CADM2: variants seen among roughly 807,000 people sequenced by gnomAD.
The protein encoded by CADM2 is cell adhesion molecule 2, also known as immunoglobulin superfamily member 4D.
CADM2 carries 12 observed loss-of-function variants against 49.8 expected under a neutral mutation model. The observed-to-expected ratio is 0.24, with a 90% CI of 0.15 to 0.39. The LOEUF (loss-of-function observed/expected upper bound fraction) is 0.39. Ranked by LOEUF, CADM2 falls within the 10% of genes least tolerant of loss-of-function variation. The pLI is 1.00. For missense variants in CADM2, 378 were observed against 492.3 expected (o/e 0.77, Z 2.20); for synonymous variants, 214 against 175.4 (o/e 1.22, Z -1.74).
At chr3:85,886,133 T>C in intron 4 of CADM2, 57 bp from the exon 5 acceptor site, 1 of 1,598,524 alleles carries the variant, frequency 6.3e-7, no homozygotes, top group South Asian at 1.1e-5. Flanking sequence ...GTAATAGACA[T>C]AATAACAAAT....
intron 1 of CADM2, among the ~76,000 whole-genome samples, chr3:85,336,097 A>G (rs981694622): frequency 4.0e-5 from 6 of 151,526 alleles, no homozygotes; most frequent in Admixed American, 4.0e-4. Flanking sequence ...ACATTATTTT[A>G]TAAGCTCTTA....
intron 3 of CADM2, among the ~76,000 whole-genome samples, chr3:85,862,108 T>G (rs1372897443): frequency 2.6e-5 from 4 of 152,084 alleles, no homozygotes; most frequent in East Asian, 3.9e-4. Context: ...ATAAATCACT[T>G]TGATCATAAT....
intron 1 of CADM2, among the ~76,000 whole-genome samples, chr3:85,648,515 G>T (rs562545282): frequency 1.4e-4 from 21 of 151,976 alleles, no homozygotes; most frequent in Non-Finnish European, 2.5e-4. Flanking sequence ...TGAAATAATG[G>T]TTTAAAACTA....
At chr3:85,042,636 A>G (rs1270147214) in intron 1 of CADM2, among the ~76,000 whole-genome samples, 3 of 152,230 alleles carry the variant, frequency 2.0e-5, no homozygotes, top group African/African-American at 7.2e-5. Flanking sequence ...TAAAATAAAT[A>G]GCATTGAAAG....
At chr3:85,345,816 A>G (rs761344532) in intron 1 of CADM2, among the ~76,000 whole-genome samples, 11 of 152,168 alleles carry the variant, frequency 7.2e-5, no homozygotes, top group Non-Finnish European at 1.5e-4. Context: ...TGATGGTCGT[A>G]ATTTGGTCAT....
At chr3:85,320,919 T>G (rs1018984875) in intron 1 of CADM2, among the ~76,000 whole-genome samples, 1 of 139,346 alleles carries the variant, frequency 7.2e-6, no homozygotes, top group Non-Finnish European at 1.6e-5. Flanking sequence ...AGTGGTGATT[T>G]ATTTCTGTTA....
intron 1 of CADM2, among the ~76,000 whole-genome samples, chr3:85,288,699 G>C (rs1559760659): frequency 6.6e-6 from 1 of 150,836 alleles, no homozygotes; most frequent in Non-Finnish European, 1.5e-5. Flanking sequence ...GCAAATTTGA[G>C]TGTTGCAGTG....
intron 1 of CADM2, among the ~76,000 whole-genome samples, chr3:85,086,311 A>G (rs952422488): frequency 6.6e-6 from 1 of 152,004 alleles, no homozygotes; most frequent in African/African-American, 2.4e-5. Context: ...GACTTTAGTC[A>G]GAAGCCTAAA....
intron 1 of CADM2, among the ~76,000 whole-genome samples, chr3:84,962,601 C>T (rs375264806): frequency 7.9e-5 from 12 of 152,126 alleles, no homozygotes; most frequent in African/African-American, 2.2e-4. Context: ...AAAAGGGTGG[C>T]GGGGGAACTA....
intron 1 of CADM2, among the ~76,000 whole-genome samples, chr3:85,079,107 A>G (rs1287496494): frequency 6.6e-6 from 1 of 151,888 alleles, no homozygotes; most frequent in Non-Finnish European, 1.5e-5. Flanking sequence ...AATTTTTATT[A>G]TCTAAAAGAA....
At chr3:85,238,243 C>T (rs1004904914) in intron 1 of CADM2, among the ~76,000 whole-genome samples, 1 of 151,776 alleles carries the variant, frequency 6.6e-6, no homozygotes, top group Non-Finnish European at 1.5e-5. Flanking sequence ...TATCAGTGTG[C>T]CATATTTACA....
intron 5 of CADM2, among the ~76,000 whole-genome samples, chr3:85,911,925 T>A (rs1296374003): frequency 1.3e-5 from 2 of 151,264 alleles, no homozygotes; most frequent in Admixed American, 1.3e-4. Flanking sequence ...TTTTTAATTT[T>A]TTTTATTATT....
At chr3:84,980,307 T>C (rs1442994434) in intron 1 of CADM2, among the ~76,000 whole-genome samples, 3 of 152,134 alleles carry the variant, frequency 2.0e-5, no homozygotes, top group African/African-American at 7.2e-5. Context: ...ATTTTACAAT[T>C]GCCATGGAAA....
intron 1 of CADM2, among the ~76,000 whole-genome samples, chr3:85,717,795 T>G (rs892477315): frequency 6.6e-6 from 1 of 152,172 alleles, no homozygotes; most frequent in Non-Finnish European, 1.5e-5. Context: ...GAGACAGAGT[T>G]GTACTCTTGT....
At chr3:85,303,145 T>TGTGCTGCC (rs2044139809) in intron 1 of CADM2, among the ~76,000 whole-genome samples, 1 of 151,990 alleles carries the variant, frequency 6.6e-6, no homozygotes, top group South Asian at 2.1e-4. Flanking sequence ...GTATTAATTG[T>TGTGCTGCC]GTGCTGCCGA....
chr3:84,995,932 T>G (rs989178053), intron 1 of CADM2, among the ~76,000 whole-genome samples: 1 of 152,160 alleles, frequency 6.6e-6, no homozygotes. Flanking sequence ...GAGTTTTCCA[T>G]GCCTATTGGT....
intron 1 of CADM2, among the ~76,000 whole-genome samples, chr3:85,451,440 C>G (rs2037743910): frequency 6.6e-6 from 1 of 152,024 alleles, no homozygotes; most frequent in Admixed American, 6.6e-5. Context: ...CTTCAGAGAA[C>G]ATTCCATGTT....
intron 2 of CADM2, among the ~76,000 whole-genome samples, chr3:85,762,613 C>CTCTCTCTCTCTG (rs138508303): frequency 0.14 from 20,073 of 147,908 alleles, 2,441 homozygotes; most frequent in African/African-American, 0.32. Flanking sequence ...CTCTCTCTCT[C>CTCTCTCTCTCTG]TCTCTCTCTG....
At chr3:85,672,435 G>A (rs55692455) in intron 1 of CADM2, among the ~76,000 whole-genome samples, 24,547 of 151,864 alleles carry the variant, frequency 0.16, 2,324 homozygotes, top group South Asian at 0.27. Flanking sequence ...CTTGTGATCC[G>A]CTCGCCTTGG....
Sources: allele counts gnomAD v4.1 joint callset (sites outside exome capture counted in the v4.1 genomes callset), GRCh38; gene constraint gnomAD v4.1.1; transcripts MANE v1.5; gene names NCBI Gene and HGNC (gene_info 2026-07-23, HGNC 2026-07-21).